The following GLI3 variants were observed in gnomAD, a reference collection of about 807,000 sequenced individuals.
The protein encoded by GLI3 is transcription activator GLI3.
A neutral mutation model predicts 100.8 loss-of-function variants in GLI3; 20 were observed. The observed-to-expected ratio is 0.20, with a 90% CI of 0.14 to 0.29. The LOEUF (loss-of-function observed/expected upper bound fraction) is 0.29, where lower values mean the gene tolerates loss of function less well. Among genes scored for constraint, GLI3 ranks in the 10% least tolerant of loss-of-function variants. The probability of loss-of-function intolerance (pLI) is 1.00; values close to 1 mark genes in which losing one functional copy is unlikely to be tolerated. For synonymous variants in GLI3, 938 were observed against 860.5 expected (o/e 1.09, Z -1.58); for missense variants, 2,040 against 2,128.5 (o/e 0.96, Z 0.82).
chr7:42,250,170 C>G (rs1789016958), intron 1 of GLI3, among the ~76,000 whole-genome samples: 1 of 152,116 alleles, frequency 6.6e-6, no homozygotes, highest in Admixed American at 6.5e-5. Flanking sequence ...CACTGTAGCA[C>G]TGAAGTATGT....
In GLI3 at chr7:42,176,455, G is replaced by A. The variant is rs1482195278; in HGVS notation, c.125-27987C>T. Among the ~76,000 whole-genome samples the A allele has an allele frequency of 2.6e-5, 4 of 151,750 alleles. No homozygotes were observed. The East Asian group carries it at 7.7e-4, about 29-fold the overall frequency. Reference sequence around the variant, plus strand: ...GTTCCTCTCTCTCTTTCTCTCCAGGGGCCTGCCTGTTCCTTCTGCAGTCAG... The same window carrying A: ...GTTCCTCTCTCTCTTTCTCTCCAGGAGCCTGCCTGTTCCTTCTGCAGTCAG... On this transcript the variant is annotated intron_variant, in intron 2 of 14. Transcript: ENST00000395925.
At chr7:42,250,223 AT>A (rs1562800936) in intron 1 of GLI3, among the ~76,000 whole-genome samples, 1 of 152,124 alleles carries the variant, frequency 6.6e-6, no homozygotes, top group African/African-American at 2.4e-5. Context: ...TGGAAAATCA[AT>A]TTTCTTTGTA....
chr7:42,082,450 C>T (rs762389114), intron 3 of GLI3, among the ~76,000 whole-genome samples: 22 of 152,108 alleles, frequency 1.4e-4, no homozygotes, highest in Non-Finnish European at 2.5e-4. Context: ...GGTAACCTGA[C>T]AAGGAGAGTC....
chr7:42,178,912 G>A (rs143649857), intron 2 of GLI3, among the ~76,000 whole-genome samples: 1 of 152,270 alleles, frequency 6.6e-6, no homozygotes, highest in African/African-American at 2.4e-5. Context: ...AGCGAGTCAG[G>A]AGAACAGACA....
At position 41,965,901 on chromosome 7, in the gene GLI3, G is replaced by C; in HGVS notation, c.3172C>G (p.Arg1058Gly). 6.2e-7 allele frequency: 1 copy of C among 1,613,642 alleles called. No homozygotes were observed. Among genetic ancestry groups the C allele is most frequent in the Non-Finnish European group, 8.5e-7 (1 of 1,179,948 alleles). ...NYTRPEGGQS[R>G]NFHSSPCPPS... ...GGACAGGGGGACGAGTGGAAGTTTC[G>C]GGACTGGCCGCCCTCGGGCCGCGTG... The change falls in exon 15 of 15, where the codon CGA becomes GGA. Residue 1058 changes from arginine to glycine, a missense_variant. Coordinates refer to ENST00000395925, the MANE Select transcript of GLI3 (RefSeq NM_000168.6).
chr7:42,198,047 G>A (rs184492523), intron 2 of GLI3, among the ~76,000 whole-genome samples: 2 of 152,186 alleles, frequency 1.3e-5, no homozygotes, highest in East Asian at 3.9e-4. Context: ...TTCCCTGAAG[G>A]GAGTAAAAAT....
chr7:42,001,257 TAA>T (rs774782546), intron 10 of GLI3, among the ~76,000 whole-genome samples: 1 of 127,252 alleles, frequency 7.9e-6, no homozygotes, highest in Non-Finnish European at 1.7e-5. Context: ...AAAAAAAAGT[TAA>T]AAAAAAAAAG....
intron 1 of GLI3, among the ~76,000 whole-genome samples, chr7:42,260,474 T>C (rs983441214): frequency 6.6e-6 from 1 of 152,250 alleles, no homozygotes; most frequent in Non-Finnish European, 1.5e-5. Flanking sequence ...ATACTATGTG[T>C]GTGTATAAGT....
At chr7:42,131,151 G>T (rs1188075699) in intron 3 of GLI3, among the ~76,000 whole-genome samples, 1 of 152,176 alleles carries the variant, frequency 6.6e-6, no homozygotes, top group Non-Finnish European at 1.5e-5. Context: ...ATTAGGAATG[G>T]CAAAGTTGAA....
At chr7:42,235,375 T>A (rs761682848) in intron 1 of GLI3, among the ~76,000 whole-genome samples, 26 of 152,178 alleles carry the variant, frequency 1.7e-4, no homozygotes, top group Admixed American at 6.5e-5. Flanking sequence ...GGAGGATGAA[T>A]GGTTCCTGCC....
rs1429284570 is a variant in GLI3 at position 42,076,914 on chromosome 7, G to A, written c.368-57C>T. The A allele has an allele frequency of 1.1e-5, 11 of 1,003,612 alleles. No individual in the cohort carries two copies. The East Asian group carries it at 1.2e-4, about 11-fold the overall frequency. The allele number at this position is 1,003,612 out of a possible 1,614,324, so 62.2% of individuals were successfully genotyped here. ...AATGAACACTTTCAAACAGCATTCCGATTCACAAAGCAACATTGCTATACT... is the reference window on the plus strand; with the variant it reads ...AATGAACACTTTCAAACAGCATTCCAATTCACAAAGCAACATTGCTATACT... On this transcript the variant is annotated intron_variant, in intron 3 of 14. Coordinates refer to ENST00000395925, the MANE Select transcript of GLI3 (RefSeq NM_000168.6).
intron 1 of GLI3, among the ~76,000 whole-genome samples, chr7:42,263,476 T>C (rs961152349): frequency 6.6e-6 from 1 of 151,842 alleles, no homozygotes; most frequent in Non-Finnish European, 1.5e-5. Flanking sequence ...AAAGGGGGTC[T>C]CACTCTGTTT....
At chr7:42,081,721 C>T (rs759968203) in intron 3 of GLI3, among the ~76,000 whole-genome samples, 2 of 152,044 alleles carry the variant, frequency 1.3e-5, no homozygotes, top group Non-Finnish European at 2.9e-5. Flanking sequence ...CTCTTGGATG[C>T]CATCCTGGGA....
At chr7:42,155,287 A>G (rs1196999248) in intron 2 of GLI3, among the ~76,000 whole-genome samples, 12 of 152,052 alleles carry the variant, frequency 7.9e-5, no homozygotes, top group Non-Finnish European at 2.9e-5. Context: ...TAAAAAAACA[A>G]AATCAGCCAG....
At chr7:42,131,372 C>T (rs1345837230) in intron 3 of GLI3, among the ~76,000 whole-genome samples, 1 of 152,014 alleles carries the variant, frequency 6.6e-6, no homozygotes, top group Non-Finnish European at 1.5e-5. Context: ...AATCAACTAC[C>T]AAAAAGCAAC....
At chr7:42,216,938 A>C (rs1788389575) in intron 2 of GLI3, among the ~76,000 whole-genome samples, 1 of 152,224 alleles carries the variant, frequency 6.6e-6, no homozygotes, top group South Asian at 2.1e-4. Context: ...GAAGATATCT[A>C]AATGTTAAGT....
At chr7:42,142,454 A>G (rs1786592028) in intron 3 of GLI3, among the ~76,000 whole-genome samples, 1 of 152,188 alleles carries the variant, frequency 6.6e-6, no homozygotes, top group African/African-American at 2.4e-5. Context: ...GTGGTCTTCA[A>G]GCTTCTCCCA....
intron 1 of GLI3, among the ~76,000 whole-genome samples, chr7:42,230,599 C>G (rs902811171): frequency 2.6e-5 from 4 of 152,212 alleles, no homozygotes; most frequent in African/African-American, 9.6e-5. Context: ...GCCAGTTTTA[C>G]TTTTCTGCCA....
intron 4 of GLI3, among the ~76,000 whole-genome samples, chr7:42,067,306 A>G (rs563606573): frequency 6.6e-6 from 1 of 152,222 alleles, no homozygotes; most frequent in Non-Finnish European, 1.5e-5. Context: ...TCTGTGGGGG[A>G]ACCAGAGATT....
Sources: allele counts gnomAD v4.1 joint callset (sites outside exome capture counted in the v4.1 genomes callset), GRCh38; gene constraint gnomAD v4.1.1; transcripts MANE v1.5; gene names NCBI Gene and HGNC (gene_info 2026-07-23, HGNC 2026-07-21).